PRICKLE2: variants seen among roughly 807,000 people sequenced by gnomAD.
The protein encoded by PRICKLE2 is prickle planar cell polarity protein 2.
PRICKLE2 carries 21 observed loss-of-function variants against 81.4 expected under a neutral mutation model. The observed-to-expected ratio is 0.26, with a 90% CI of 0.18 to 0.37. The LOEUF (loss-of-function observed/expected upper bound fraction) is 0.37, where lower values mean the gene tolerates loss of function less well. PRICKLE2 is among the 10% of genes least tolerant of loss of function. The pLI is 1.00. For missense variants in PRICKLE2, 940 were observed against 1,109.0 expected (o/e 0.85, Z 2.16); for synonymous variants, 456 against 421.5 (o/e 1.08, Z -1.00).
At chr3:64,171,485 A>G (rs535009604) in intron 2 of PRICKLE2, among the ~76,000 whole-genome samples, 14 of 152,306 alleles carry the variant, frequency 9.2e-5, no homozygotes, top group African/African-American at 3.4e-4. Context: ...CTTTTTGTCA[A>G]AGAACTTATC....
Position 64,099,904 on chromosome 3 carries a change from G to A in PRICKLE2, c.1682C>T (p.Ala561Val), listed in dbSNP as rs2076627975. The A allele has an allele frequency of 6.2e-7, 1 of 1,614,036 alleles. No homozygotes were observed. The highest frequency in any genetic ancestry group is 1.3e-5 in the African/African-American group (1 of 74,926). ...TCGGGATAGGTGCTCCTGGCGCTTGGCACCACCATCAGCAGAGAGGCCTGG... is the reference window on the plus strand; with the variant it reads ...TCGGGATAGGTGCTCCTGGCGCTTGACACCACCATCAGCAGAGAGGCCTGG... ...NATGLSADGGAKRQEHLSRFS... is the reference protein window; with the variant it reads ...NATGLSADGGVKRQEHLSRFS... Residue 561 changes from alanine (A) to valine (V), a missense_variant, in exon 8 of 8, where the codon GCC becomes GTC. Transcript: ENST00000638394. The surrounding 1 kb of genome is among the most constrained non-coding windows in gnomAD (Gnocchi z 4.3).
intron 2 of PRICKLE2, among the ~76,000 whole-genome samples, chr3:64,256,148 T>C (rs1190577982): frequency 2.0e-5 from 3 of 152,160 alleles, no homozygotes; most frequent in South Asian, 4.1e-4. Context: ...ATTACTTACA[T>C]ATAAGGCTCA....
intron 7 of PRICKLE2, chr3:64,102,720 G>C (rs532057141): frequency 6.5e-4 from 99 of 152,216 alleles, no homozygotes; most frequent in African/African-American, 2.3e-3. Flanking sequence ...CATAAAACCG[G>C]TCCCTGGTGC....
rs754692773 is a variant in PRICKLE2, at chr3:64,095,459, T to G, written c.*3592A>C. 6.6e-5 allele frequency: 10 copies of G among 152,150 alleles called. No individual in the cohort carries two copies. Among genetic ancestry groups the G allele is most frequent in the Admixed American group, 2.0e-4 (3 of 15,260 alleles). The allele number at this position is 152,150 out of a possible 1,614,324, so 9.4% of individuals were successfully genotyped here. A position where few individuals can be genotyped will look rare whatever the true frequency, so the allele number is the denominator to read the frequency against. On this transcript the variant is annotated 3_prime_UTR_variant, in exon 8 of 8. Coordinates refer to ENST00000638394, the MANE Select transcript of PRICKLE2 (RefSeq NM_198859.4). Reference sequence around the variant, plus strand: ...ATCAACTGGTCCTGGCTGGTTGGAGTGTTGCAAAGATCTGTGAGGCTGCAT... The same window carrying G: ...ATCAACTGGTCCTGGCTGGTTGGAGGGTTGCAAAGATCTGTGAGGCTGCAT...
At chr3:64,221,019 T>G (rs1046113014) in intron 1 of PRICKLE2, among the ~76,000 whole-genome samples, 1 of 152,178 alleles carries the variant, frequency 6.6e-6, no homozygotes, top group Non-Finnish European at 1.5e-5. Flanking sequence ...ATGGCTTCGC[T>G]GTGAGTTTTG....
intron 2 of PRICKLE2, among the ~76,000 whole-genome samples, chr3:64,259,262 G>A (rs1253217935): frequency 6.6e-6 from 1 of 152,142 alleles, no homozygotes; most frequent in Non-Finnish European, 1.5e-5. Context: ...ATAACAGTAA[G>A]CCAATATTTA....
At chr3:64,225,529 G>T, upstream of PRICKLE2, 1 of 802,278 alleles carries the variant, frequency 1.2e-6, no homozygotes, top group Non-Finnish European at 1.5e-6. Context: ...GCATCTGGAC[G>T]TCCCATCCTG....
At chr3:64,256,158 A>G (rs1457534468) in intron 2 of PRICKLE2, among the ~76,000 whole-genome samples, 1 of 152,206 alleles carries the variant, frequency 6.6e-6, no homozygotes, top group Non-Finnish European at 1.5e-5. Context: ...TATAAGGCTC[A>G]GCCAGAATGT....
chr3:64,176,814 GC>G (rs1351356970), intron 2 of PRICKLE2, among the ~76,000 whole-genome samples: 1 of 152,162 alleles, frequency 6.6e-6, no homozygotes, highest in East Asian at 1.9e-4. Flanking sequence ...AACTTGCCTT[GC>G]CCACTAAGTT....
intron 2 of PRICKLE2, chr3:64,190,373 T>C (rs1263766798): frequency 6.7e-6 from 1 of 149,276 alleles, no homozygotes; most frequent in Non-Finnish European, 1.5e-5. Flanking sequence ...ATATTTACAA[T>C]CCTATTCTTA....
intron 7 of PRICKLE2, chr3:64,146,599 C>T (rs1367829102): frequency 7.9e-6 from 4 of 506,612 alleles, no homozygotes; most frequent in South Asian, 6.7e-5. Flanking sequence ...AAAAATTAGC[C>T]AGGCATGGTG....
intron 1 of PRICKLE2, 51 bp downstream of exon 1, chr3:64,224,859 A>G: frequency 1.0e-6 from 1 of 959,422 alleles, no homozygotes; most frequent in East Asian, 1.2e-4. Flanking sequence ...CATCCTCCTT[A>G]GAAAATATAC....
chr3:64,106,770 C>G (rs569211347), intron 7 of PRICKLE2, among the ~76,000 whole-genome samples: 76 of 152,228 alleles, frequency 5.0e-4, no homozygotes, highest in Non-Finnish European at 6.9e-4. Context: ...GTGTGTGTGT[C>G]TGTGTGTGCG....
At chr3:64,100,167 T>C (rs1283247929) in intron 7 of PRICKLE2, 9 of 553,754 alleles carry the variant, frequency 1.6e-5, no homozygotes, top group East Asian at 1.5e-4. Context: ...TACCAGTTAC[T>C]AGTTCCTCCA....
rs866003008 is a variant in PRICKLE2 at position 64,236,263 on chromosome 3, G to A, written c.129-37296C>T. Among the ~76,000 whole-genome samples the A allele has an allele frequency of 3.3e-5, 5 of 151,932 alleles. No individual in the cohort carries two copies. The South Asian group carries it at 6.3e-4, about 19-fold the overall frequency. On this transcript the variant is annotated intron_variant, in intron 2 of 8. Coordinates refer to the PRICKLE2 transcript ENST00000295902. ...TTTATGTCAGTTTTATTCAGCCCTC[G>A]ATCCCCAGGGCCCAGAAAAATGCCT...
rs985544704 is a variant in PRICKLE2, at chr3:64,099,558, G to A, written c.2028C>T (p.Arg676=). The change falls in exon 8 of 8, where the codon CGC becomes CGT. Residue 676 remains arginine (R), a synonymous_variant. Coordinates refer to ENST00000638394, the MANE Select transcript of PRICKLE2 (RefSeq NM_198859.4). The surrounding 1 kb of genome is among the most constrained non-coding windows in gnomAD (Gnocchi z 4.3). The part of the protein sequence containing the change: ...SERTRRRATS[R]DDNRRFRPHR... The stretch of plus-strand genomic sequence containing the variant: ...GAGGTCGGAAACGGCGGTTGTCGTC[G>A]CGTGAAGTAGCTCTTCTCCGGGTGC... 17 of 1,611,080 alleles carry A rather than the reference G, an allele frequency of 1.1e-5. No homozygotes were observed. The highest frequency in any genetic ancestry group is 1.4e-5 in the Non-Finnish European group (17 of 1,177,646).
intron 7 of PRICKLE2, among the ~76,000 whole-genome samples, chr3:64,115,875 C>T (rs1309526481): frequency 1.3e-5 from 2 of 151,986 alleles, no homozygotes; most frequent in African/African-American, 4.8e-5. Context: ...ACTCTCCACC[C>T]AAAAAAACAG....
intron 2 of PRICKLE2, among the ~76,000 whole-genome samples, chr3:64,252,449 T>C (rs1324359028): frequency 6.6e-6 from 1 of 152,152 alleles, no homozygotes; most frequent in African/African-American, 2.4e-5. Flanking sequence ...AATTGGAAGC[T>C]CTCAGCCGAT....
chr3:64,112,392 T>C (rs761532909), intron 7 of PRICKLE2, among the ~76,000 whole-genome samples: 1 of 151,976 alleles, frequency 6.6e-6, no homozygotes, highest in Non-Finnish European at 1.5e-5. Context: ...CAGGTGGGGG[T>C]TGATAAAGTG....
Sources: allele counts gnomAD v4.1 joint callset (sites outside exome capture counted in the v4.1 genomes callset), GRCh38; gene constraint gnomAD v4.1.1; non-coding constraint Gnocchi (gnomAD v3.1); transcripts MANE v1.5; gene names NCBI Gene and HGNC (gene_info 2026-07-23, HGNC 2026-07-21).